The following SLC9A9 variants were observed in gnomAD, a reference collection of about 807,000 sequenced individuals.
SLC9A9 encodes solute carrier family 9 member A9, also known as sodium/hydrogen exchanger 9.
In SLC9A9, 62 loss-of-function variants were observed where a neutral mutation model predicts 77.8. The ratio of observed to expected loss-of-function variants is 0.80; its 90% CI spans 0.65 to 0.98. The LOEUF (loss-of-function observed/expected upper bound fraction) is 0.98. Among genes scored for constraint, SLC9A9 ranks in the 50% least tolerant of loss-of-function variants. The pLI is 0.00. For missense variants in SLC9A9, 775 were observed against 774.9 expected, an observed-to-expected ratio of 1.00 and a Z score of 0.00; for synonymous variants, 320 against 283.5, an observed-to-expected ratio of 1.13 and a Z score of -1.29.
rs1443743721 is a variant in SLC9A9, at chr3:143,574,179, G to C, written c.909C>G (p.Thr303=). Reference sequence around the variant, plus strand: ...CCAGCATCGGGAACTCACACAGCTTGGTAAATTTGGTCAAGTGAGGAAGAT... The same window carrying C: ...CCAGCATCGGGAACTCACACAGCTTCGTAAATTTGGTCAAGTGAGGAAGAT... ...AIITALLTKF[T]KLCEFPMLET... Residue 303 remains threonine, a synonymous_variant, in exon 8 of 16, where the codon ACC becomes ACG. Coordinates refer to ENST00000316549, the MANE Select transcript of SLC9A9 (RefSeq NM_173653.4). 1.2e-6 allele frequency: 2 copies of C among 1,612,992 alleles called. No individual in the cohort carries two copies. The highest frequency in any genetic ancestry group is 2.2e-5 in the South Asian group (2 of 91,020).
chr3:143,695,767 A>ACAG, intron 4 of SLC9A9, among the ~76,000 whole-genome samples: 1 of 152,298 alleles, frequency 6.6e-6, no homozygotes, highest in Non-Finnish European at 1.5e-5. Context: ...CCTGTCTTCC[A>ACAG]CAGTGGTTGA....
At chr3:143,288,447 A>T (rs1257450207) in intron 14 of SLC9A9, among the ~76,000 whole-genome samples, 1 of 152,162 alleles carries the variant, frequency 6.6e-6, no homozygotes, top group Non-Finnish European at 1.5e-5. Flanking sequence ...TTAACAACTT[A>T]GAAAGGAAAC....
At chr3:143,686,832 T>C (rs2108777554) in intron 5 of SLC9A9, among the ~76,000 whole-genome samples, 1 of 152,300 alleles carries the variant, frequency 6.6e-6, no homozygotes. Flanking sequence ...AATCATCTAT[T>C]TCCAGCTGTT....
chr3:143,294,259 A>G (rs2030150406), intron 14 of SLC9A9, among the ~76,000 whole-genome samples: 1 of 152,190 alleles, frequency 6.6e-6, no homozygotes, highest in Admixed American at 6.5e-5. Flanking sequence ...TCTTTCTTGC[A>G]ATTGTTGTTT....
Position 143,694,461 on chromosome 3 carries a change from C to T in SLC9A9, c.534-1154G>A, listed in dbSNP as rs1030554128. Among the ~76,000 whole-genome samples the T allele has an allele frequency of 5.3e-5, 8 of 152,206 alleles. 1 individual carries two copies. In the South Asian group the frequency reaches 8.3e-4, roughly 16 times the overall value. ...GGTAATACATATTTGGTGTCTGGCACATAGCAAATTCTCAATGAGGTCACT... is the reference window on the plus strand; with the variant it reads ...GGTAATACATATTTGGTGTCTGGCATATAGCAAATTCTCAATGAGGTCACT... On this transcript the variant is annotated intron_variant, in intron 4 of 15. Coordinates refer to ENST00000316549, the MANE Select transcript of SLC9A9 (RefSeq NM_173653.4).
chr3:143,495,501 C>T (rs1175751079), intron 9 of SLC9A9, 53 bp from the exon 10 acceptor site: 2 of 1,335,828 alleles, frequency 1.5e-6, no homozygotes, highest in Non-Finnish European at 1.1e-6. Flanking sequence ...GGTTTGAGTG[C>T]ACTTACTTTC....
intron 14 of SLC9A9, among the ~76,000 whole-genome samples, chr3:143,341,191 G>A: frequency 6.6e-6 from 1 of 152,048 alleles, no homozygotes; most frequent in Non-Finnish European, 1.5e-5. Context: ...ATTTCTTTAG[G>A]ATCTTTTTCA....
At chr3:143,821,360 A>T (rs2009162086) in intron 2 of SLC9A9, among the ~76,000 whole-genome samples, 1 of 152,210 alleles carries the variant, frequency 6.6e-6, no homozygotes, top group Non-Finnish European at 1.5e-5. Flanking sequence ...GTAACTCTCT[A>T]AAATATGCTC....
chr3:143,501,299 A>G (rs1381679729), intron 9 of SLC9A9, among the ~76,000 whole-genome samples: 1 of 150,910 alleles, frequency 6.6e-6, no homozygotes, highest in African/African-American at 2.5e-5. Flanking sequence ...CAATTAAAGA[A>G]ATAAAGGATA....
chr3:143,494,799 A>G (rs2035805957), intron 10 of SLC9A9, among the ~76,000 whole-genome samples: 1 of 152,250 alleles, frequency 6.6e-6, no homozygotes, highest in South Asian at 2.1e-4. Context: ...GAAGGGTGCT[A>G]TCTTATTCAG....
intron 2 of SLC9A9, among the ~76,000 whole-genome samples, chr3:143,820,581 CT>C (rs2009140671): frequency 6.6e-6 from 1 of 152,120 alleles, no homozygotes; most frequent in Admixed American, 6.5e-5. Flanking sequence ...GGGGGTTGCC[CT>C]ACTACCCCTC....
At chr3:143,846,443 C>T (rs2009831585) in intron 1 of SLC9A9, among the ~76,000 whole-genome samples, 2 of 152,172 alleles carry the variant, frequency 1.3e-5, no homozygotes, top group Non-Finnish European at 2.9e-5. Flanking sequence ...AGGCAAATGA[C>T]AGGAACCTAG....
intron 5 of SLC9A9, among the ~76,000 whole-genome samples, chr3:143,683,111 G>C (rs1329433786): frequency 6.6e-6 from 1 of 152,060 alleles, no homozygotes; most frequent in Non-Finnish European, 1.5e-5. Context: ...TGTTTAAAAG[G>C]GTAGTTTATT....
chr3:143,357,838 G>A (rs1045095538), intron 14 of SLC9A9, among the ~76,000 whole-genome samples: 1 of 152,048 alleles, frequency 6.6e-6, no homozygotes, highest in Non-Finnish European at 1.5e-5. Flanking sequence ...AGGCCACAGC[G>A]AACTACCCCA....
At position 143,718,092 on chromosome 3, in the gene SLC9A9, G is replaced by GAA. The variant is rs142744329; in HGVS notation, c.534-24787_534-24786dup. On this transcript the variant is annotated intron_variant, in intron 4 of 15. Coordinates refer to ENST00000316549, the MANE Select transcript of SLC9A9 (RefSeq NM_173653.4). ...AAATAGGTAATGTGGAGTTAAACAG[G>GAA]AAAAAAAAAAAAGATAGTGCATCCC... Among the ~76,000 whole-genome samples the GAA allele has an allele frequency of 3.8e-4, 55 of 146,430 alleles. 1 individual carries two copies. The highest frequency in any genetic ancestry group is 6.0e-4 in the East Asian group (3 of 5,000).
At chr3:143,682,053 C>T (rs1016545835) in intron 5 of SLC9A9, among the ~76,000 whole-genome samples, 18 of 152,148 alleles carry the variant, frequency 1.2e-4, no homozygotes, top group African/African-American at 3.4e-4. Flanking sequence ...TATCTAGAGG[C>T]TCATGCTACT....
chr3:143,505,630 C>T (rs1005405397), intron 9 of SLC9A9, among the ~76,000 whole-genome samples: 3 of 152,340 alleles, frequency 2.0e-5, no homozygotes, highest in Admixed American at 6.5e-5. Context: ...CAGCCCTCTC[C>T]TGTCTCGTAT....
In SLC9A9 at chr3:143,795,040, T is replaced by A; in HGVS notation, c.494A>T (p.Tyr165Phe). 1.9e-6 allele frequency: 3 copies of A among 1,613,852 alleles called. No homozygotes were observed. Among genetic ancestry groups the A allele is most frequent in the Middle Eastern group, 1.7e-4 (1 of 6,060 alleles). The change falls in exon 4 of 16, where the codon TAT becomes TTT. Residue 165 changes from tyrosine (Y) to phenylalanine (F), a missense_variant. Transcript: ENST00000316549. ...GGAGATGGCAGTTCCCAAGAAGGCA[T>A]ACGTTAAAATAGATCCTAAGTTTTG... Reference protein sequence around the residue: ...FFQNLGSILTYAFLGTAISCI... With the variant: ...FFQNLGSILTFAFLGTAISCI...
chr3:143,601,501 G>C (rs543616492), intron 6 of SLC9A9, among the ~76,000 whole-genome samples: 1 of 152,224 alleles, frequency 6.6e-6, no homozygotes, highest in South Asian at 2.1e-4. Context: ...ACAGTCAATG[G>C]GGGAGCCAGC....
Sources: gnomAD v4.1 joint callset for allele counts (sites outside exome capture counted in the v4.1 genomes callset) on GRCh38, gnomAD v4.1.1 for gene constraint, MANE v1.5 for transcripts, NCBI Gene and HGNC (gene_info 2026-07-23, HGNC 2026-07-21) for gene names.